Variants in AADAC observed in about 807,000 individuals in gnomAD.
AADAC encodes the protein arylacetamide deacetylase.
In AADAC, 17 loss-of-function variants were observed where a neutral mutation model predicts 22.7. The ratio of observed to expected loss-of-function variants is 0.75; its 90% CI spans 0.51 to 1.12. The LOEUF (loss-of-function observed/expected upper bound fraction) is 1.12, where lower values mean the gene tolerates loss of function less well. Ranked by LOEUF, AADAC falls within the 50% of genes most tolerant of loss-of-function variation. The pLI, the probability that AADAC is intolerant of heterozygous loss-of-function variation, is 0.00. For missense variants in AADAC, 465 were observed against 473.9 expected, an observed-to-expected ratio of 0.98 and a Z score of 0.17; for synonymous variants, 167 against 176.3, an observed-to-expected ratio of 0.95 and a Z score of 0.42.
chr3:151,819,498 G>A (rs936298804), intron 2 of AADAC, among the ~76,000 whole-genome samples: 1 of 151,974 alleles, frequency 6.6e-6, no homozygotes. Context: ...GCCTTAAAAG[G>A]ACTTAGTTGT....
At chr3:151,814,572 G>A (rs562734136) in intron 1 of AADAC, among the ~76,000 whole-genome samples, 6 of 152,096 alleles carry the variant, frequency 3.9e-5, no homozygotes, top group South Asian at 4.2e-4. Flanking sequence ...TTAATATCAC[G>A]ATAGTGGCTC....
At chr3:151,818,542 T>C (rs1716098804) in intron 2 of AADAC, among the ~76,000 whole-genome samples, 1 of 151,938 alleles carries the variant, frequency 6.6e-6, no homozygotes. Context: ...GAAAGTGACA[T>C]TCAGAAAACA....
In AADAC at chr3:151,828,176, A is replaced by G. The variant is rs1716590200; in HGVS notation, c.*4A>G. 6.8e-7 allele frequency: 1 copy of G among 1,472,384 alleles called. No individual in the cohort carries two copies. The highest frequency in any genetic ancestry group is 1.4e-5 in the African/African-American group (1 of 70,856). The allele number at this position is 1,472,384 out of a possible 1,614,324, so 91.2% of individuals were successfully genotyped here. A position where few individuals can be genotyped will look rare whatever the true frequency, so the allele number is the denominator to read the frequency against. ...GTGGCTAAAGGAAAATCTATAGTAA[A>G]ACATGTAGCTATAACATATTTTAAA... On this transcript the variant is annotated 3_prime_UTR_variant, in exon 5 of 5. Transcript: ENST00000232892.
chr3:151,821,636 A>T lies in AADAC; in HGVS notation c.431+1184A>T, dbSNP rs990680679. ...AAATGCAATTAGAAAATCCAAGCTT[A>T]TGCTGTTTTGCATTCCAACTTTATA... is the stretch of plus-strand genomic sequence containing the variant. On this transcript the variant is annotated intron_variant, in intron 3 of 4. Transcript: ENST00000232892. Among the ~76,000 whole-genome samples, 3 of 152,050 alleles carry T rather than the reference A, an allele frequency of 2.0e-5. No homozygotes were observed. In the South Asian group the frequency reaches 6.2e-4, roughly 31 times the overall value.
intron 4 of AADAC, among the ~76,000 whole-genome samples, chr3:151,825,195 G>C (rs538360163): frequency 1.4e-5 from 2 of 146,232 alleles, no homozygotes; most frequent in South Asian, 4.3e-4. Context: ...AACACAGTGA[G>C]ACCCTGTCTC....
intron 3 of AADAC, among the ~76,000 whole-genome samples, chr3:151,823,533 A>G (rs990552381): frequency 2.6e-5 from 4 of 151,970 alleles, no homozygotes; most frequent in African/African-American, 9.7e-5. Context: ...TACTGTATAC[A>G]TCAGGAAAAT....
rs763445842 is a variant in AADAC at position 151,827,537 on chromosome 3, T to A, written c.604-39T>A. On this transcript the variant is annotated intron_variant, in intron 4 of 4. Coordinates refer to ENST00000232892, the MANE Select transcript of AADAC (RefSeq NM_001086.3). ...TCTTATTAGGGATATTTTATTGTTT[T>A]AAATGAAAATGATTTGTGCAAATCA... The A allele has an allele frequency of 5.2e-5, 57 of 1,086,234 alleles. 1 individual carries two copies. Among genetic ancestry groups the A allele is most frequent in the South Asian group, 6.5e-5 (4 of 61,150 alleles). The allele number at this position is 1,086,234 out of a possible 1,614,324, so 67.3% of individuals were successfully genotyped here.
Position 151,814,306 on chromosome 3 carries a change from T to C in AADAC, c.138+6T>C. 2 of 1,609,124 alleles carry C rather than the reference T, an allele frequency of 1.2e-6. No individual in the cohort carries two copies. Among genetic ancestry groups the C allele is most frequent in the Non-Finnish European group, 1.7e-6 (2 of 1,177,748 alleles). On this transcript the variant is annotated splice_donor_region_variant and intron_variant, in intron 1 of 4. Transcript: ENST00000232892. ...TGAAAACTATACAAAATTTGGTAAG[T>C]TTGGAATTTTATGAATTCAGATGTG... is the stretch of plus-strand genomic sequence containing the variant.
At chr3:151,818,131 C>T (rs946757047) in intron 2 of AADAC, among the ~76,000 whole-genome samples, 1 of 151,276 alleles carries the variant, frequency 6.6e-6, no homozygotes, top group Non-Finnish European at 1.5e-5. Context: ...ATCCCAGCTA[C>T]TCGGGGGGCT....
Position 151,827,645 on chromosome 3 carries a change from C to T in AADAC, c.673C>T (p.Leu225Phe). Residue 225 changes from leucine to phenylalanine, a missense_variant, in exon 5 of 5, where the codon CTT becomes TTT. Transcript: ENST00000232892. ...TTTAATTTATCCTGCCCTTCAGCCT[C>T]TTGATGTAGATTTACCGTCATATCA... ...QSLIYPALQP[L>F]DVDLPSYQEN... is the part of the protein sequence containing the mutation. The T allele has an allele frequency of 1.9e-6, 3 of 1,611,536 alleles. No homozygotes were observed. Among genetic ancestry groups the T allele is most frequent in the Middle Eastern group, 1.7e-4 (1 of 6,044 alleles).
chr3:151,817,675 C>T (rs939443491), intron 2 of AADAC, 87 bp downstream of exon 2: 2 of 1,177,340 alleles, frequency 1.7e-6, no homozygotes, highest in African/African-American at 1.5e-5. Context: ...TGCCCTTCGG[C>T]ATGGACATTA....
At chr3:151,825,249 TA>T (rs1423596917) in intron 4 of AADAC, among the ~76,000 whole-genome samples, 1 of 150,254 alleles carries the variant, frequency 6.7e-6, no homozygotes, top group Non-Finnish European at 1.5e-5. Flanking sequence ...CCTGGCATAA[TA>T]GTGTAAGTTT....
intron 3 of AADAC, 49 bp downstream of exon 3, chr3:151,820,501 G>A (rs893601937): frequency 3.9e-5 from 26 of 668,452 alleles, no homozygotes; most frequent in Non-Finnish European, 5.6e-5. Flanking sequence ...GACATGCCAA[G>A]ATTTTCTCAG....
intron 4 of AADAC, 115 bp downstream of exon 4, chr3:151,824,949 G>A (rs13098550): frequency 0.76 from 600,794 of 785,418 alleles, 231,788 homozygotes; most frequent in Middle Eastern, 0.81. Flanking sequence ...AGGAGATATT[G>A]ATTTTTTGAA....
chr3:151,820,582 A>G (rs1330210603), intron 3 of AADAC, 130 bp downstream of exon 3: 1 of 463,048 alleles, frequency 2.2e-6, no homozygotes, highest in East Asian at 3.8e-5. Flanking sequence ...CAGTGGCAGG[A>G]TCTCGGCTCC....
At position 151,821,914 on chromosome 3, in the gene AADAC, G is replaced by A. The variant is rs1319250600; in HGVS notation, c.431+1462G>A. 4.6e-5 allele frequency among the ~76,000 whole-genome samples: 7 copies of A among 151,700 alleles called. No homozygotes were observed. In the South Asian group the frequency reaches 1.2e-3, roughly 27 times the overall value. ...AAAATGGCCAATAAGCATCTTTCAT[G>A]TACTTGAAAGATAAAATATACTTTA... On this transcript the variant is annotated intron_variant, in intron 3 of 4. Transcript: ENST00000232892.
chr3:151,819,565 CTTTTA>C (rs1716145886), intron 2 of AADAC, among the ~76,000 whole-genome samples: 1 of 151,864 alleles, frequency 6.6e-6, no homozygotes, highest in Non-Finnish European at 1.5e-5. Flanking sequence ...GGAGAATTTT[CTTTTA>C]TTTTTGTGCA....
At position 151,827,823 on chromosome 3, in the gene AADAC, G is replaced by A; in HGVS notation, c.851G>A (p.Ser284Asn). 6.2e-7 allele frequency: 1 copy of A among 1,613,234 alleles called. No individual in the cohort carries two copies. Among genetic ancestry groups the A allele is most frequent in the East Asian group, 2.2e-5 (1 of 44,876 alleles). The change falls in exon 5 of 5, where the codon AGT (serine) becomes AAT (asparagine). Residue 284 changes from serine (S) to asparagine (N), a missense_variant. Transcript: ENST00000232892. ...SSHLFKFVNW[S>N]SLLPERFIKG... ...CATCTCTTCAAATTTGTTAATTGGA[G>A]TTCCCTGCTCCCTGAGAGGTTTATA...
At chr3:151,826,321 A>G (rs1716491384) in intron 4 of AADAC, among the ~76,000 whole-genome samples, 1 of 151,946 alleles carries the variant, frequency 6.6e-6, no homozygotes, top group Admixed American at 6.6e-5. Flanking sequence ...TAGATTTGAT[A>G]TTGGCTTAAT....
Sources: gnomAD v4.1 joint callset for allele counts (sites outside exome capture counted in the v4.1 genomes callset) on GRCh38, gnomAD v4.1.1 for gene constraint, MANE v1.5 for transcripts, NCBI Gene and HGNC (gene_info 2026-07-23, HGNC 2026-07-21) for gene names.